Variants in ACOT1 observed in about 807,000 individuals in gnomAD.
The protein encoded by ACOT1 is acyl-coenzyme A thioesterase 1.
ACOT1 carries 8 observed loss-of-function variants against 15.7 expected under a neutral mutation model. The observed-to-expected ratio is 0.51, with a 90% CI of 0.30 to 0.92. ACOT1 has a LOEUF of 0.92. ACOT1 is among the 40% of genes least tolerant of loss of function. The pLI is 0.06. For synonymous variants in ACOT1, 67 were observed against 241.2 expected, an observed-to-expected ratio of 0.28 and a Z score of 6.69; for missense variants, 151 against 539.4, an observed-to-expected ratio of 0.28 and a Z score of 7.13.
the ACOT1 span, chr14:73,527,493 A>G: frequency 1.3e-5 from 2 of 151,994 alleles, no homozygotes; most frequent in African/African-American, 4.8e-5. Flanking sequence ...TGCTCTGCCT[A>G]TGGAGTAGCC....
the ACOT1 span, among the ~76,000 whole-genome samples, chr14:73,505,366 A>C: frequency 6.6e-6 from 1 of 151,902 alleles, no homozygotes; most frequent in East Asian, 1.9e-4. Flanking sequence ...AATTTTGTGA[A>C]AGTTGGGACA....
In ACOT1 at chr14:73,541,781, A is replaced by G. The variant is rs1436111664; in HGVS notation, c.660+86A>G. Reference sequence around the variant, plus strand: ...GGTTTTCACAGAAGTTAGCTCATTCATGACAGCCATTCCCTACCCCAACAC... The same window carrying G: ...GGTTTTCACAGAAGTTAGCTCATTCGTGACAGCCATTCCCTACCCCAACAC... On this transcript the variant is annotated intron_variant, in intron 2 of 2. Transcript: ENST00000311148. 2 of 888,182 alleles carry G rather than the reference A, an allele frequency of 2.3e-6. 1 individual carries two copies. The highest frequency in any genetic ancestry group is 3.1e-5 in the South Asian group (2 of 64,586). The allele number at this position is 888,182 out of a possible 1,614,324, so 55.0% of individuals were successfully genotyped here.
the ACOT1 span, among the ~76,000 whole-genome samples, chr14:73,510,150 C>T: frequency 1.4e-4 from 21 of 151,876 alleles, no homozygotes; most frequent in African/African-American, 4.1e-4. Flanking sequence ...CGTGTGCCAC[C>T]GCCCCCAGCT....
At chr14:73,520,350 T>C in the ACOT1 span, 1 of 153,328 alleles carries the variant, frequency 6.5e-6, no homozygotes, top group Non-Finnish European at 1.5e-5. Flanking sequence ...AAGTGCATTT[T>C]TGTTAACATC....
the ACOT1 span, chr14:73,511,916 C>T: frequency 2.0e-6 from 3 of 1,512,938 alleles, no homozygotes; most frequent in Non-Finnish European, 2.7e-6. Flanking sequence ...GTAAAATGAT[C>T]TCAGATAAGC....
the ACOT1 span, among the ~76,000 whole-genome samples, chr14:73,529,498 A>ATGC: frequency 2.3e-4 from 35 of 152,228 alleles, no homozygotes; most frequent in South Asian, 6.8e-3. Flanking sequence ...GTTAGGCTAC[A>ATGC]TGCCTCTAGT....
the ACOT1 span, chr14:73,493,320 C>T: frequency 1.8e-6 from 1 of 560,048 alleles, no homozygotes; most frequent in South Asian, 2.6e-5. Flanking sequence ...ATGGGCGGGT[C>T]GGGGTCAGTA....
rs753055034 is a variant in ACOT1 at position 73,541,626 on chromosome 14, C to T, written c.591C>T (p.Pro197=). 8.0e-7 allele frequency: 1 copy of T among 1,243,488 alleles called. No individual in the cohort carries two copies. The highest frequency in any genetic ancestry group is 1.1e-6 in the Non-Finnish European group (1 of 936,050). The allele number at this position is 1,243,488 out of a possible 1,614,324, so 77.0% of individuals were successfully genotyped here. A position where few individuals can be genotyped will look rare whatever the true frequency, so the allele number is the denominator to read the frequency against. The change falls in exon 2 of 3, where the codon CCC becomes CCT. Residue 197 remains proline, a synonymous_variant. Coordinates refer to ENST00000311148, the MANE Select transcript of ACOT1 (RefSeq NM_001037161.2). ...ALAYYNYEDL[P]KTMETLHLEY... ...CTTACTATAACTATGAAGACCTCCC[C>T]AAGACCATGGAGACGCTCCATCTGG...
chr14:73,491,385 T>G, the ACOT1 span: 1 of 1,353,390 alleles, frequency 7.4e-7, no homozygotes, highest in Non-Finnish European at 9.4e-7. Flanking sequence ...GCGCGCCTGG[T>G]GCCCGCTTCC....
the ACOT1 span, chr14:73,530,513 A>G: frequency 7.9e-6 from 1 of 126,690 alleles, no homozygotes; most frequent in Non-Finnish European, 1.7e-5. Flanking sequence ...TTGCCCTCAA[A>G]AAGTTCCCCT....
chr14:73,524,310 A>AAAAAATATAT, the ACOT1 span, among the ~76,000 whole-genome samples: 27 of 54,774 alleles, frequency 4.9e-4, no homozygotes, highest in Admixed American at 8.4e-4. Context: ...AAAAAAAAAA[A>AAAAAATATAT]ATATATATAT....
the ACOT1 span, chr14:73,520,736 C>T: frequency 5.3e-6 from 5 of 942,502 alleles, no homozygotes; most frequent in Non-Finnish European, 8.2e-6. Context: ...ACATGAAAAC[C>T]TGGGTCATCC....
In ACOT1 at chr14:73,542,715, C is replaced by T. The variant is rs111684237; in HGVS notation, c.661-335C>T. ...GCCACCACGCCCGGCCATGAGATGA[C>T]GTACTTGTTGATGACGACTCAGTTT... is the stretch of plus-strand genomic sequence containing the variant. On this transcript the variant is annotated intron_variant, in intron 2 of 2. Coordinates refer to ENST00000311148, the MANE Select transcript of ACOT1 (RefSeq NM_001037161.2). 1.9e-4 allele frequency among the ~76,000 whole-genome samples: 21 copies of T among 111,390 alleles called. 5 individuals carry two copies. The highest frequency in any genetic ancestry group is 1.4e-3 in the South Asian group (5 of 3,530). 73.1% of individuals were successfully genotyped at this position (111,390 alleles called of 152,430 possible).
chr14:73,493,342 A>G, the ACOT1 span: 1 of 505,036 alleles, frequency 2.0e-6, no homozygotes, highest in Admixed American at 3.8e-5. Context: ...CCTGTTTGTT[A>G]TTGTTAAATT....
At chr14:73,527,447 A>G in the ACOT1 span, 1 of 151,972 alleles carries the variant, frequency 6.6e-6, no homozygotes, top group Admixed American at 6.6e-5. Context: ...GAAATTTCAA[A>G]AAGAGATTGA....
chr14:73,522,941 A>G, the ACOT1 span: 1 of 1,614,218 alleles, frequency 6.2e-7, no homozygotes. Flanking sequence ...AGAGAAGGTA[A>G]GGTTTGCAGC....
the ACOT1 span, among the ~76,000 whole-genome samples, chr14:73,494,654 A>C: frequency 4.7e-4 from 71 of 152,242 alleles, no homozygotes; most frequent in African/African-American, 1.7e-3. Flanking sequence ...GGGCTCAAGC[A>C]ATCCTCCCAT....
chr14:73,510,967 G>A, the ACOT1 span, among the ~76,000 whole-genome samples: 2 of 152,160 alleles, frequency 1.3e-5, no homozygotes, highest in Non-Finnish European at 2.9e-5. Context: ...TTCACTTATA[G>A]CTCTTCTCAG....
At chr14:73,500,310 C>T in the ACOT1 span, among the ~76,000 whole-genome samples, 51 of 148,350 alleles carry the variant, frequency 3.4e-4, no homozygotes, top group East Asian at 5.9e-3. Flanking sequence ...CATCAACTAT[C>T]GTTAGTGTTA....
Sources: allele counts gnomAD v4.1 joint callset (sites outside exome capture counted in the v4.1 genomes callset), GRCh38; gene constraint gnomAD v4.1.1; transcripts MANE v1.5; gene names NCBI Gene and HGNC (gene_info 2026-07-23, HGNC 2026-07-21).